Variants in TRHDE observed in about 807,000 individuals in gnomAD.
The protein encoded by TRHDE is thyrotropin-releasing hormone-degrading ectoenzyme.
A neutral mutation model predicts 125.7 loss-of-function variants in TRHDE; 72 were observed. The ratio of observed to expected loss-of-function variants is 0.57; its 90% CI spans 0.47 to 0.70. The LOEUF is 0.70. Ranked by LOEUF, TRHDE falls within the 30% of genes least tolerant of loss-of-function variation. The pLI is 0.00. For synonymous variants in TRHDE, 509 were observed against 509.1 expected (o/e 1.00, Z 0.00); for missense variants, 1,110 against 1,327.1 (o/e 0.84, Z 2.54).
chr12:72,311,418 A>G (rs1047302642), intron 2 of TRHDE, among the ~76,000 whole-genome samples: 4 of 152,188 alleles, frequency 2.6e-5, no homozygotes, highest in African/African-American at 7.2e-5. Context: ...TAATGAGTCT[A>G]CAGATGCAGG....
At chr12:72,145,282 A>G (rs989183187) in intron 2 of TRHDE, among the ~76,000 whole-genome samples, 1 of 152,200 alleles carries the variant, frequency 6.6e-6, no homozygotes, top group Non-Finnish European at 1.5e-5. Context: ...GAAATATAAT[A>G]TTCTCTAGTG....
intron 2 of TRHDE, among the ~76,000 whole-genome samples, chr12:72,373,079 G>C (rs1007197146): frequency 6.6e-6 from 1 of 152,136 alleles, no homozygotes; most frequent in African/African-American, 2.4e-5. Flanking sequence ...GCAGTGGTTT[G>C]TAGTTCTCCT....
At chr12:72,230,336 G>T (rs1592492571) in intron 2 of TRHDE, among the ~76,000 whole-genome samples, 2 of 152,224 alleles carry the variant, frequency 1.3e-5, no homozygotes, top group Admixed American at 6.5e-5. Context: ...GATAAAGAAA[G>T]CAGCTGTCGT....
intron 15 of TRHDE, among the ~76,000 whole-genome samples, chr12:72,631,781 G>A (rs1449339560): frequency 1.3e-5 from 2 of 151,820 alleles, no homozygotes; most frequent in Admixed American, 6.6e-5. Flanking sequence ...ACTTTTAATT[G>A]AGAAAAATGT....
intron 2 of TRHDE, among the ~76,000 whole-genome samples, chr12:72,193,709 G>C (rs1877382480): frequency 6.6e-6 from 1 of 152,030 alleles, no homozygotes; most frequent in Non-Finnish European, 1.5e-5. Flanking sequence ...TTTTGGTGTT[G>C]AAACTTTAAA....
chr12:72,214,858 A>C (rs143163138), intron 2 of TRHDE, among the ~76,000 whole-genome samples: 1 of 152,158 alleles, frequency 6.6e-6, no homozygotes, highest in Admixed American at 6.6e-5. Context: ...TTTTGTTTAT[A>C]TATATATTCT....
At chr12:72,296,830 G>A (rs1040812540) in intron 2 of TRHDE, among the ~76,000 whole-genome samples, 3 of 152,220 alleles carry the variant, frequency 2.0e-5, no homozygotes, top group Admixed American at 6.5e-5. Context: ...CTATTACAGA[G>A]TGAGTGTAGA....
intron 5 of TRHDE, among the ~76,000 whole-genome samples, chr12:72,494,247 A>C (rs79202828): frequency 6.6e-6 from 1 of 152,122 alleles, no homozygotes; most frequent in East Asian, 1.9e-4. Flanking sequence ...TTATCCTAGG[A>C]ATACCATAAA....
chr12:72,183,399 A>G (rs1422636945), intron 2 of TRHDE, among the ~76,000 whole-genome samples: 1 of 152,206 alleles, frequency 6.6e-6, no homozygotes, highest in Non-Finnish European at 1.5e-5. Flanking sequence ...TCTCTCGAAC[A>G]CTAGTTCATG....
Position 72,449,146 on chromosome 12 carries a change from A to G in TRHDE, c.1316-20612A>G, listed in dbSNP as rs73344447. Among the ~76,000 whole-genome samples, 504 of 152,162 alleles carry G rather than the reference A, an allele frequency of 3.3e-3. 2 individuals carry two copies. The highest frequency in any genetic ancestry group is 0.012 in the African/African-American group (486 of 41,546). On this transcript the variant is annotated intron_variant, in intron 3 of 18. Transcript: ENST00000261180. ...GGCAGAGCACATTTTGATGTTTTTC[A>G]TTGACACCAGATAATATACCATACT...
chr12:72,537,316 G>T (rs538079700), intron 6 of TRHDE, among the ~76,000 whole-genome samples: 51 of 152,068 alleles, frequency 3.4e-4, no homozygotes, highest in African/African-American at 1.2e-3. Flanking sequence ...ACTTGTCAAG[G>T]GAGGGGACCT....
chr12:72,380,714 C>G lies in TRHDE; in HGVS notation c.1315+2593C>G, dbSNP rs369517100. On this transcript the variant is annotated intron_variant, in intron 3 of 18. Coordinates refer to ENST00000261180, the MANE Select transcript of TRHDE (RefSeq NM_013381.3). ...CAGGCTGCAGCTTCCTTCCTTCCTT[C>G]CTTCCTTCCTTCCTTCCTTGCTTCC... Among the ~76,000 whole-genome samples, 7 of 125,898 alleles carry G rather than the reference C, an allele frequency of 5.6e-5. No individual in the cohort carries two copies. In the East Asian group the frequency reaches 9.4e-4, roughly 17 times the overall value. The allele number at this position is 125,898 out of a possible 152,430, so 82.6% of individuals were successfully genotyped here.
Position 72,272,531 on chromosome 12 carries a change from A to G in TRHDE, c.-113A>G, listed in dbSNP as rs575989404. 5.4e-6 allele frequency: 3 copies of G among 560,136 alleles called. No individual in the cohort carries two copies. The highest frequency in any genetic ancestry group is 6.3e-6 in the Non-Finnish European group (2 of 317,714). The allele number at this position is 560,136 out of a possible 1,614,324, so 34.7% of individuals were successfully genotyped here. A position where few individuals can be genotyped will look rare whatever the true frequency, so the allele number is the denominator to read the frequency against. ...TAAAAGAACCCGGGCCAGCATCCCC[A>G]GTCGCGCGCCCTCGGCCCGCGTGAG... On this transcript the variant is annotated 5_prime_UTR_variant, in exon 1 of 19. Coordinates refer to ENST00000261180, the MANE Select transcript of TRHDE (RefSeq NM_013381.3). The surrounding 1 kb of genome is among the most constrained non-coding windows in gnomAD (Gnocchi z 6.7).
chr12:72,483,908 T>C (rs193226369), intron 5 of TRHDE, among the ~76,000 whole-genome samples: 16 of 152,150 alleles, frequency 1.1e-4, no homozygotes, highest in African/African-American at 3.8e-4. Context: ...TATTGATCAA[T>C]TAATAAAAAT....
chr12:72,180,924 A>G (rs892962476), intron 2 of TRHDE, among the ~76,000 whole-genome samples: 1 of 152,188 alleles, frequency 6.6e-6, no homozygotes, highest in Non-Finnish European at 1.5e-5. Flanking sequence ...CAAAATGTAT[A>G]CAACTATGGT....
chr12:72,525,634 TGAGAGAGAGA>T (rs1204575457), intron 6 of TRHDE, among the ~76,000 whole-genome samples: 7 of 98,836 alleles, frequency 7.1e-5, no homozygotes, highest in Admixed American at 3.9e-4. Flanking sequence ...TGTGTGTGTG[TGAGAGAGAGA>T]GAGAGAGAGA....
At chr12:72,584,503 T>G (rs1871363606) in intron 12 of TRHDE, among the ~76,000 whole-genome samples, 1 of 152,186 alleles carries the variant, frequency 6.6e-6, no homozygotes, top group African/African-American at 2.4e-5. Flanking sequence ...AATTATTCCT[T>G]TAATATAACT....
chr12:72,146,775 A>C (rs1376130894), intron 2 of TRHDE, among the ~76,000 whole-genome samples: 2 of 152,206 alleles, frequency 1.3e-5, no homozygotes, highest in Non-Finnish European at 1.5e-5. Context: ...GCCTTATTGC[A>C]AGGGCAGAGG....
intron 2 of TRHDE, among the ~76,000 whole-genome samples, chr12:72,316,508 C>T (rs2135705417): frequency 6.6e-6 from 1 of 152,318 alleles, no homozygotes; most frequent in South Asian, 2.1e-4. Flanking sequence ...ACACCACCAG[C>T]ACCCATCATG....
Sources: gnomAD v4.1 joint callset for allele counts (sites outside exome capture counted in the v4.1 genomes callset) on GRCh38, gnomAD v4.1.1 for gene constraint, Gnocchi (gnomAD v3.1) non-coding constraint, MANE v1.5 for transcripts, NCBI Gene and HGNC (gene_info 2026-07-23, HGNC 2026-07-21) for gene names.